Variants in TBXT observed in about 807,000 individuals in gnomAD.
TBXT encodes T brachyury transcription factor.
TBXT carries 19 observed loss-of-function variants against 41.1 expected under a neutral mutation model. The observed-to-expected ratio is 0.46, with a 90% CI of 0.32 to 0.68. The LOEUF is 0.68. Ranked by LOEUF, TBXT falls within the 30% of genes least tolerant of loss-of-function variation. The pLI, the probability that TBXT is intolerant of heterozygous loss-of-function variation, is 0.03. For synonymous variants in TBXT, 213 were observed against 238.9 expected, an observed-to-expected ratio of 0.89 and a Z score of 1.00; for missense variants, 536 against 582.0, an observed-to-expected ratio of 0.92 and a Z score of 0.81.
intron 2 of TBXT, among the ~76,000 whole-genome samples, chr6:166,166,243 C>T (rs1240217044): frequency 3.3e-5 from 5 of 152,110 alleles, no homozygotes; most frequent in African/African-American, 1.2e-4. Flanking sequence ...AAGTTTGTTC[C>T]GACTCCACGC....
rs567735651 is a variant in TBXT at position 166,158,385 on chromosome 6, C to T, written c.1241G>A (p.Ser414Asn). The part of the protein sequence containing the change: ...GAAAATDIVD[S>N]QYDAAAQGRL... Reference sequence around the variant, plus strand: ...GCCTTGGGCTGCGGCGTCGTACTGGCTGTCCACGATGTCTGTGGCCGCGGC... The same window carrying T: ...GCCTTGGGCTGCGGCGTCGTACTGGTTGTCCACGATGTCTGTGGCCGCGGC... Residue 414 changes from serine to asparagine, a missense_variant, in exon 8 of 8, where the codon AGC becomes AAC. Coordinates refer to ENST00000366876, the MANE Select transcript of TBXT (RefSeq NM_001366285.2). The T allele has an allele frequency of 8.7e-6, 14 of 1,614,236 alleles. No homozygotes were observed. In the African/African-American group the frequency reaches 1.6e-4, roughly 18 times the overall value.
intron 7 of TBXT, 105 bp downstream of exon 7, chr6:166,160,732 G>A (rs564423283): frequency 2.0e-6 from 3 of 1,529,236 alleles, no homozygotes; most frequent in South Asian, 2.5e-5. Context: ...ACCACCCACA[G>A]GGACCAAGGA....
chr6:166,161,704 CGAGGT>C (rs60406934), intron 6 of TBXT, among the ~76,000 whole-genome samples: 29,117 of 151,924 alleles, frequency 0.19, 2,840 homozygotes, highest in Non-Finnish European at 0.21. Context: ...GGGTGGATCA[CGAGGT>C]CAGAAGATCG....
chr6:166,162,376 G>A, intron 6 of TBXT, 71 bp downstream of exon 6: 4 of 1,560,838 alleles, frequency 2.6e-6, no homozygotes, highest in East Asian at 2.2e-5. Flanking sequence ...CTAGACTCCT[G>A]CAGAATGCCT....
intron 2 of TBXT, 99 bp from the exon 3 acceptor site, chr6:166,165,939 A>C (rs1406091425): frequency 6.4e-7 from 1 of 1,565,660 alleles, no homozygotes; most frequent in Non-Finnish European, 8.7e-7. Flanking sequence ...CTGGATCCCA[A>C]GAAAGTGTCT....
upstream of TBXT, chr6:166,168,531 C>T (rs1300945307): frequency 6.6e-6 from 1 of 152,272 alleles, no homozygotes; most frequent in Non-Finnish European, 1.5e-5. Context: ...TTACGCACAC[C>T]CAGGATCGTG....
Position 166,167,344 on chromosome 6 carries a change from G to A in TBXT, c.206+42C>T, listed in dbSNP as rs1031963656. The A allele has an allele frequency of 9.3e-6, 15 of 1,608,640 alleles. No individual in the cohort carries two copies. In the African/African-American group the frequency reaches 1.5e-4, roughly 16 times the overall value. ...GCCAGGTCCCCCAGGCTGCCCAGGC[G>A]CTGGAGAGCGCGGCGCGCGCGGGCT... On this transcript the variant is annotated intron_variant, in intron 1 of 7. Transcript: ENST00000366876.
upstream of TBXT, chr6:166,167,912 C>G (rs1324701925): frequency 1.4e-5 from 6 of 442,538 alleles, no homozygotes; most frequent in Admixed American, 3.6e-5. Context: ...CTGGGGTGCT[C>G]GGCGGATTGG....
chr6:166,164,840 A>G lies in TBXT; in HGVS notation c.628T>C (p.Tyr210His), dbSNP rs1779065554. 1 of 1,612,814 alleles carries G rather than the reference A, an allele frequency of 6.2e-7. No individual in the cohort carries two copies. The highest frequency in any genetic ancestry group is 8.5e-7 in the Non-Finnish European group (1 of 1,179,934). ...NEEITALKIK[Y>H]NPFAKAFLDA... Reference sequence around the variant, plus strand: ...AGGAAAGCTTTTGCAAATGGATTGTACTTAATTTTAAGAGCTGTGATCTGA... The same window carrying G: ...AGGAAAGCTTTTGCAAATGGATTGTGCTTAATTTTAAGAGCTGTGATCTGA... Residue 210 changes from tyrosine to histidine, a missense_variant, in exon 4 of 8, where the codon TAC (tyrosine) becomes CAC (histidine). By Grantham distance (83) the Tyr-to-His change is moderately conservative. Transcript: ENST00000366876.
In TBXT at chr6:166,160,538, G is replaced by T. The variant is rs1019762333; in HGVS notation, c.1037+299C>A. The stretch of plus-strand genomic sequence containing the variant: ...TTGTCCATCACGTGAACCAGTAAGT[G>T]GCAGAACCAGGATGGGGACCCTGGT... On this transcript the variant is annotated intron_variant, in intron 7 of 7. Transcript: ENST00000366876. Among the ~76,000 whole-genome samples the T allele has an allele frequency of 7.9e-5, 12 of 152,248 alleles. No individual in the cohort carries two copies. The South Asian group carries it at 1.7e-3, about 21-fold the overall frequency.
intron 2 of TBXT, 61 bp downstream of exon 2, chr6:166,166,531 A>G: frequency 6.2e-7 from 1 of 1,611,008 alleles, no homozygotes; most frequent in Non-Finnish European, 8.5e-7. Context: ...ACCCCCGTGC[A>G]GAAGGCGCAG....
At chr6:166,160,390 G>A (rs780102185) in intron 7 of TBXT, among the ~76,000 whole-genome samples, 8 of 152,120 alleles carry the variant, frequency 5.3e-5, no homozygotes, top group South Asian at 2.1e-4. Context: ...GTTCCGAAAC[G>A]ATCTCTTTAA....
chr6:166,164,040 G>A (rs1779037437), intron 5 of TBXT, among the ~76,000 whole-genome samples: 3 of 152,200 alleles, frequency 2.0e-5, no homozygotes, highest in Admixed American at 1.3e-4. Context: ...GGAGAGGACG[G>A]ACCAGGATGA....
At chr6:166,159,833 C>T (rs1778898507) in intron 7 of TBXT, among the ~76,000 whole-genome samples, 1 of 152,190 alleles carries the variant, frequency 6.6e-6, no homozygotes, top group Non-Finnish European at 1.5e-5. Context: ...TCGGGTGGGG[C>T]CTCTGTCAAC....
At chr6:166,167,905 G>A (rs1389696763), upstream of TBXT, 1 of 464,014 alleles carries the variant, frequency 2.2e-6, no homozygotes, top group South Asian at 2.2e-5. Context: ...GGCAGCGCTG[G>A]GGTGCTCGGC....
At chr6:166,163,706 G>A (rs1286926530) in intron 5 of TBXT, among the ~76,000 whole-genome samples, 1 of 152,192 alleles carries the variant, frequency 6.6e-6, no homozygotes, top group Non-Finnish European at 1.5e-5. Context: ...TTCAAGCTTT[G>A]TTGTTTTGAT....
chr6:166,158,115 A>C lies in TBXT; in HGVS notation c.*200T>G. The C allele has an allele frequency of 2.9e-5, 22 of 760,830 alleles. No homozygotes were observed. Among genetic ancestry groups the C allele is most frequent in the Non-Finnish European group, 4.1e-5 (19 of 459,612 alleles). 47.1% of individuals were successfully genotyped at this position (760,830 alleles called of 1,614,324 possible). On this transcript the variant is annotated 3_prime_UTR_variant, in exon 8 of 8. Coordinates refer to ENST00000366876, the MANE Select transcript of TBXT (RefSeq NM_001366285.2). ...GTAAGCCACCTGGGACAGCACCGCT[A>C]CTGCAGGTGTGAGCAAGGGATGCTG...
At chr6:166,160,535 A>T (rs889258835) in intron 7 of TBXT, among the ~76,000 whole-genome samples, 2 of 152,112 alleles carry the variant, frequency 1.3e-5, no homozygotes, top group Non-Finnish European at 2.9e-5. Context: ...TGAACCAGTA[A>T]GTGGCAGAAC....
chr6:166,161,420 C>T (rs999368168), intron 6 of TBXT, among the ~76,000 whole-genome samples: 1 of 152,336 alleles, frequency 6.6e-6, no homozygotes, highest in East Asian at 1.9e-4. Context: ...CAGTGACTTC[C>T]TAACCCAATA....
Sources: allele counts gnomAD v4.1 joint callset (sites outside exome capture counted in the v4.1 genomes callset), GRCh38; gene constraint gnomAD v4.1.1; transcripts MANE v1.5; gene names NCBI Gene and HGNC (gene_info 2026-07-23, HGNC 2026-07-21).